The following NECAB2 variants were observed in gnomAD, a reference collection of about 807,000 sequenced individuals.
The protein encoded by NECAB2 is N-terminal EF-hand calcium binding protein 2.
Under a neutral mutation model 51.9 loss-of-function variants are expected in NECAB2, and 68 were observed. That is an observed-to-expected ratio of 1.31 (90% CI 1.08 to 1.60). NECAB2 has a LOEUF of 1.60. NECAB2 is among the 40% of genes most tolerant of loss of function. The pLI is 0.00. For missense variants in NECAB2, 854 were observed against 490.3 expected, an observed-to-expected ratio of 1.74 and a Z score of -7.00; for synonymous variants, 329 against 203.5, an observed-to-expected ratio of 1.62 and a Z score of -5.25.
chr16:83,986,087 G>C (rs2084550034), intron 5 of NECAB2, among the ~76,000 whole-genome samples: 2 of 152,086 alleles, frequency 1.3e-5, no homozygotes, highest in Non-Finnish European at 2.9e-5. Flanking sequence ...AGTGATCTCA[G>C]CTCAGTGCAA....
chr16:83,999,435 C>G (rs1010262516), intron 10 of NECAB2, among the ~76,000 whole-genome samples: 1 of 152,132 alleles, frequency 6.6e-6, no homozygotes, highest in African/African-American at 2.4e-5. Context: ...TCTGGTTTGT[C>G]GAGTTGGAGA....
chr16:83,972,334 C>T (rs2084358765), intron 2 of NECAB2, among the ~76,000 whole-genome samples, 159 bp downstream of exon 2: 1 of 152,222 alleles, frequency 6.6e-6, no homozygotes, highest in Admixed American at 6.5e-5. Flanking sequence ...TGCTCTGTGC[C>T]TTGACCTCCC....
chr16:83,968,893 G>A, intron 1 of NECAB2, 44 bp downstream of exon 1: 1 of 1,072,050 alleles, frequency 9.3e-7, no homozygotes, highest in Non-Finnish European at 1.1e-6. Context: ...CCTCCGCTGG[G>A]ACCCGGAGCC....
chr16:83,976,463 C>G (rs1285246438), intron 2 of NECAB2, among the ~76,000 whole-genome samples: 2 of 152,178 alleles, frequency 1.3e-5, no homozygotes, highest in African/African-American at 4.8e-5. Context: ...TGACTCCACA[C>G]TGGGATTCCT....
At chr16:83,972,204 C>T in intron 2 of NECAB2, 29 bp downstream of exon 2, 1 of 1,613,400 alleles carries the variant, frequency 6.2e-7, no homozygotes. Context: ...CCGACGGCCG[C>T]CCCACTCCTT....
In NECAB2 at chr16:84,000,908, C is replaced by A. The variant is rs16962491; in HGVS notation, c.1040+107C>A. On this transcript the variant is annotated intron_variant, in intron 11 of 12. Coordinates refer to ENST00000305202, the MANE Select transcript of NECAB2 (RefSeq NM_019065.3). ...AGGGGAGGGTAAGGCCGAGTCCAGT[C>A]AGCAGATTCCCGAGGCATCTACCCG... 1.5e-5 allele frequency: 17 copies of A among 1,112,676 alleles called. No homozygotes were observed. In the African/African-American group the frequency reaches 2.1e-4, roughly 14 times the overall value. 68.9% of individuals were successfully genotyped at this position (1,112,676 alleles called of 1,614,324 possible).
chr16:84,002,584 G>C lies in NECAB2; in HGVS notation c.*238G>C, dbSNP rs1302866858. Reference sequence around the variant, plus strand: ...CAAGGTTGAAGGGGGCGGCTTCCTGGAGCCAGCACCCCTGCCTCCTGGTCC... The same window carrying C: ...CAAGGTTGAAGGGGGCGGCTTCCTGCAGCCAGCACCCCTGCCTCCTGGTCC... On this transcript the variant is annotated 3_prime_UTR_variant, in exon 13 of 13. Coordinates refer to ENST00000305202, the MANE Select transcript of NECAB2 (RefSeq NM_019065.3). The C allele has an allele frequency of 6.6e-5, 39 of 592,768 alleles. No homozygotes were observed. Among genetic ancestry groups the C allele is most frequent in the Middle Eastern group, 7.9e-4 (2 of 2,530 alleles). The allele number at this position is 592,768 out of a possible 1,614,324, so 36.7% of individuals were successfully genotyped here. A position where few individuals can be genotyped will look rare whatever the true frequency, so the allele number is the denominator to read the frequency against.
chr16:83,996,995 C>A lies in NECAB2; in HGVS notation c.796-221C>A, dbSNP rs112940457. Among the ~76,000 whole-genome samples, 843 of 152,168 alleles carry A rather than the reference C, an allele frequency of 5.5e-3. 9 individuals carry two copies. Among genetic ancestry groups the A allele is most frequent in the African/African-American group, 0.019 (807 of 41,528 alleles). ...TTGGACTCAGGCCTCTGGAGTCCCCCTTGCTGCCTCTCCCAAGCCATCCTC... is the reference window on the plus strand; with the variant it reads ...TTGGACTCAGGCCTCTGGAGTCCCCATTGCTGCCTCTCCCAAGCCATCCTC... On this transcript the variant is annotated intron_variant, in intron 8 of 12. Coordinates refer to ENST00000305202, the MANE Select transcript of NECAB2 (RefSeq NM_019065.3).
At chr16:83,995,777 G>A (rs773191829) in intron 8 of NECAB2, among the ~76,000 whole-genome samples, 1 of 152,214 alleles carries the variant, frequency 6.6e-6, no homozygotes, top group East Asian at 1.9e-4. Context: ...AATGAAGTCC[G>A]AGGGAGGAAG....
chr16:83,978,136 C>T (rs2084437447), intron 2 of NECAB2, among the ~76,000 whole-genome samples: 2 of 152,184 alleles, frequency 1.3e-5, no homozygotes, highest in Admixed American at 6.5e-5. Flanking sequence ...AGAAAGCTAG[C>T]TATTGCATTA....
upstream of NECAB2, among the ~76,000 whole-genome samples, chr16:83,966,832 T>C (rs148557733): frequency 0.018 from 2,749 of 152,324 alleles, 46 homozygotes; most frequent in African/African-American, 0.034. Context: ...TCACAGCAAA[T>C]ACTCCTTTCA....
upstream of NECAB2, chr16:83,965,366 A>G: frequency 6.4e-7 from 1 of 1,571,888 alleles, no homozygotes; most frequent in South Asian, 1.2e-5. Context: ...CCTGCCCTTC[A>G]TCCACCATGA....
chr16:83,965,413 G>A (rs532832620), upstream of NECAB2: 48 of 1,578,468 alleles, frequency 3.0e-5, no homozygotes, highest in South Asian at 2.4e-4. Context: ...GGGTGGGTGC[G>A]GTGACCCCGG....
chr16:83,999,211 G>T (rs560544594), intron 10 of NECAB2, among the ~76,000 whole-genome samples: 1 of 152,292 alleles, frequency 6.6e-6, no homozygotes, highest in South Asian at 2.1e-4. Flanking sequence ...CAGGAGTGCG[G>T]CCGTTCCCGA....
rs28505676 is a variant in NECAB2 at position 84,000,058 on chromosome 16, A to G, written c.963-666A>G. The stretch of plus-strand genomic sequence containing the variant: ...TGTGCCACCAGGCCCAGCAAGTTTT[A>G]TTTTTTTTTTTTTTAAAGAGACAGT... On this transcript the variant is annotated intron_variant, in intron 10 of 12. Coordinates refer to ENST00000305202, the MANE Select transcript of NECAB2 (RefSeq NM_019065.3). Among the ~76,000 whole-genome samples the G allele has an allele frequency of 1.9e-4, 22 of 118,218 alleles. No homozygotes were observed. In the East Asian group the frequency reaches 2.9e-3, roughly 16 times the overall value. 77.6% of individuals were successfully genotyped at this position (118,218 alleles called of 152,430 possible).
intron 9 of NECAB2, 43 bp downstream of exon 9, chr16:83,997,312 C>CCT (rs762884998): frequency 6.2e-7 from 1 of 1,612,488 alleles, no homozygotes; most frequent in Non-Finnish European, 8.5e-7. Context: ...ACATCCCTAC[C>CCT]CATGCCAGGA....
At chr16:84,000,220 A>C (rs1691867879) in intron 10 of NECAB2, among the ~76,000 whole-genome samples, 1 of 152,218 alleles carries the variant, frequency 6.6e-6, no homozygotes, top group Admixed American at 6.5e-5. Context: ...TTGTTTAAAT[A>C]AATGTTCACA....
At chr16:83,991,832 T>C (rs928665854) in intron 6 of NECAB2, among the ~76,000 whole-genome samples, 4 of 150,796 alleles carry the variant, frequency 2.7e-5, no homozygotes, top group African/African-American at 9.8e-5. Context: ...TTTTTTTTTT[T>C]TTTTGTAGAG....
intron 5 of NECAB2, among the ~76,000 whole-genome samples, chr16:83,982,991 C>A (rs754778117): frequency 6.6e-6 from 1 of 151,978 alleles, no homozygotes. Flanking sequence ...GCCTCAGCCT[C>A]CCGAGTAGCT....
Sources: gnomAD v4.1 joint callset for allele counts (sites outside exome capture counted in the v4.1 genomes callset) on GRCh38, gnomAD v4.1.1 for gene constraint, MANE v1.5 for transcripts, NCBI Gene and HGNC (gene_info 2026-07-23, HGNC 2026-07-21) for gene names.